VTI1A: variants seen among roughly 807,000 people sequenced by gnomAD.
The protein encoded by VTI1A is vesicle transport through interaction with t-SNAREs 1A, also known as vesicle transport through interaction with t-SNAREs homolog 1A.
VTI1A carries 22 observed loss-of-function variants against 34.9 expected under a neutral mutation model. The observed-to-expected ratio is 0.63, with a 90% CI of 0.45 to 0.90. VTI1A has a LOEUF of 0.90. Among genes scored for constraint, VTI1A ranks in the 40% least tolerant of loss-of-function variants. The probability of loss-of-function intolerance (pLI) is 0.00; values close to 1 mark genes in which losing one functional copy is unlikely to be tolerated. For missense variants in VTI1A, 268 were observed against 275.6 expected (o/e 0.97, Z 0.20); for synonymous variants, 87 against 97.3 (o/e 0.89, Z 0.62).
At chr10:112,449,335 A>T (rs1421049099) in intron 1 of VTI1A, 1 of 152,282 alleles carries the variant, frequency 6.6e-6, no homozygotes, top group Non-Finnish European at 1.5e-5. Context: ...TAACAAAATC[A>T]TCCTTGGATG....
chr10:112,656,158 C>G (rs981132582), intron 5 of VTI1A, among the ~76,000 whole-genome samples: 2 of 152,074 alleles, frequency 1.3e-5, no homozygotes, highest in African/African-American at 2.4e-5. Context: ...TGTGCCAACC[C>G]GAGTTGACTG....
intron 7 of VTI1A, among the ~76,000 whole-genome samples, chr10:112,776,189 C>G (rs1012882286): frequency 6.6e-6 from 1 of 152,100 alleles, no homozygotes; most frequent in East Asian, 1.9e-4. Flanking sequence ...TTACAGCAGC[C>G]GAGGGTAATC....
chr10:112,449,789 TTAGCTGTAGTATTA>T (rs1847165185), intron 1 of VTI1A: 1 of 152,178 alleles, frequency 6.6e-6, no homozygotes, highest in South Asian at 2.1e-4. Flanking sequence ...ATGTCTTTCC[TTAGCTGTAGTATTA>T]TATAAGGCCC....
At chr10:112,676,879 T>C (rs1250239848) in intron 7 of VTI1A, among the ~76,000 whole-genome samples, 5 of 152,220 alleles carry the variant, frequency 3.3e-5, no homozygotes, top group Admixed American at 2.6e-4. Context: ...TTGTCAGGAC[T>C]GGGTCTTGCT....
At chr10:112,542,509 C>T (rs1211023224) in intron 5 of VTI1A, among the ~76,000 whole-genome samples, 1 of 152,176 alleles carries the variant, frequency 6.6e-6, no homozygotes, top group Non-Finnish European at 1.5e-5. Flanking sequence ...CAGGTGGCCA[C>T]TGATCTCTCC....
At chr10:112,592,853 C>G (rs891601993) in intron 5 of VTI1A, among the ~76,000 whole-genome samples, 2 of 152,166 alleles carry the variant, frequency 1.3e-5, no homozygotes, top group African/African-American at 4.8e-5. Context: ...CCGAGTGAAT[C>G]CTGTGGATAA....
chr10:112,558,721 GT>G (rs1310043555), intron 5 of VTI1A, among the ~76,000 whole-genome samples: 7 of 152,130 alleles, frequency 4.6e-5, no homozygotes, highest in Admixed American at 4.6e-4. Context: ...TCAATCAAAG[GT>G]GCCCATATCT....
chr10:112,702,263 CCTT>C (rs1849036289), intron 7 of VTI1A, among the ~76,000 whole-genome samples: 1 of 152,200 alleles, frequency 6.6e-6, no homozygotes, highest in South Asian at 2.1e-4. Flanking sequence ...AAAATGATAT[CCTT>C]CAACAAACAT....
chr10:112,765,165 T>G (rs748264893), intron 7 of VTI1A, among the ~76,000 whole-genome samples: 10 of 152,204 alleles, frequency 6.6e-5, no homozygotes, highest in African/African-American at 2.4e-4. Flanking sequence ...CCATTTCAAT[T>G]TCTTGCTTTG....
chr10:112,531,555 A>G (rs1383642269), intron 4 of VTI1A, among the ~76,000 whole-genome samples: 2 of 152,226 alleles, frequency 1.3e-5, no homozygotes, highest in East Asian at 1.9e-4. Flanking sequence ...AATCCGATGT[A>G]GAGCTTGAAT....
intron 7 of VTI1A, among the ~76,000 whole-genome samples, chr10:112,733,725 A>ATTATTTTATT (rs71035398): frequency 0.015 from 1,918 of 128,524 alleles, 76 homozygotes; most frequent in African/African-American, 0.055. Context: ...TCTCATTTAC[A>ATTATTTTATT]TTATTTTATT....
intron 5 of VTI1A, among the ~76,000 whole-genome samples, chr10:112,583,093 TAAAG>T (rs1360272368): frequency 1.3e-5 from 2 of 152,032 alleles, no homozygotes; most frequent in Non-Finnish European, 2.9e-5. Flanking sequence ...CTTATAGAGA[TAAAG>T]AAAGGAAAGG....
At chr10:112,790,832 A>G (rs149934845) in intron 7 of VTI1A, among the ~76,000 whole-genome samples, 88 of 148,196 alleles carry the variant, frequency 5.9e-4, no homozygotes, top group African/African-American at 2.2e-3. Flanking sequence ...CTCTTCGCTC[A>G]TAGCTGGAAG....
At chr10:112,650,157 G>A (rs1045709987) in intron 5 of VTI1A, among the ~76,000 whole-genome samples, 1 of 152,060 alleles carries the variant, frequency 6.6e-6, no homozygotes, top group Admixed American at 6.5e-5. Context: ...AAAACACATT[G>A]TACAGCTGTA....
At chr10:112,472,795 A>G (rs148917329) in intron 3 of VTI1A, among the ~76,000 whole-genome samples, 2 of 152,264 alleles carry the variant, frequency 1.3e-5, no homozygotes, top group East Asian at 1.9e-4. Context: ...TTACAGGACC[A>G]TAAGTGCATT....
At chr10:112,471,506 GGAGGACT>G (rs1291569328) in intron 3 of VTI1A, among the ~76,000 whole-genome samples, 1 of 151,328 alleles carries the variant, frequency 6.6e-6, no homozygotes, top group East Asian at 1.9e-4. Context: ...ATGAAGAAAT[GGAGGACT>G]GAGGAGACCA....
intron 5 of VTI1A, among the ~76,000 whole-genome samples, chr10:112,629,035 T>G (rs1184357020): frequency 1.3e-5 from 2 of 152,210 alleles, no homozygotes; most frequent in Non-Finnish European, 2.9e-5. Context: ...GTTACTCACT[T>G]AATCATGAAC....
intron 5 of VTI1A, among the ~76,000 whole-genome samples, chr10:112,563,575 G>A (rs1242544553): frequency 2.0e-5 from 3 of 152,026 alleles, no homozygotes; most frequent in Non-Finnish European, 4.4e-5. Flanking sequence ...TTCGACTTGC[G>A]AGCCTAAACA....
intron 5 of VTI1A, among the ~76,000 whole-genome samples, chr10:112,557,792 C>T (rs76645637): frequency 9.9e-5 from 15 of 152,206 alleles, no homozygotes; most frequent in Middle Eastern, 3.4e-3. Flanking sequence ...GATCAAAATG[C>T]CCACTGTGTA....
Sources: allele counts gnomAD v4.1 joint callset (sites outside exome capture counted in the v4.1 genomes callset), GRCh38; gene constraint gnomAD v4.1.1; transcripts MANE v1.5; gene names NCBI Gene and HGNC (gene_info 2026-07-23, HGNC 2026-07-21).